Variants in ABCG2 observed in about 807,000 individuals in gnomAD.
ABCG2 encodes the protein broad substrate specificity ATP-binding cassette transporter ABCG2.
ABCG2 carries 80 observed loss-of-function variants against 73.5 expected under a neutral mutation model. The ratio of observed to expected loss-of-function variants is 1.09; its 90% CI spans 0.91 to 1.31. The LOEUF is 1.31. Ranked by LOEUF, ABCG2 falls within the 50% of genes most tolerant of loss-of-function variation. ABCG2 has a pLI of 0.00. For missense variants in ABCG2, 796 were observed against 786.2 expected (o/e 1.01, Z -0.15); for synonymous variants, 269 against 282.4 (o/e 0.95, Z 0.48).
chr4:88,164,579 T>C (rs1308979269), intron 1 of ABCG2, among the ~76,000 whole-genome samples: 40 of 152,168 alleles, frequency 2.6e-4, no homozygotes, highest in Non-Finnish European at 2.9e-5. Context: ...CCTTCTGCCA[T>C]GATTGTAAGT....
chr4:88,136,943 C>T (rs1383073880), intron 2 of ABCG2, among the ~76,000 whole-genome samples: 3 of 142,368 alleles, frequency 2.1e-5, no homozygotes, highest in South Asian at 4.5e-4. Context: ...ACCCAGGAGC[C>T]GGAAGTTGCA....
intron 1 of ABCG2, among the ~76,000 whole-genome samples, chr4:88,184,128 C>G (rs1728359867): frequency 6.6e-6 from 1 of 152,146 alleles, no homozygotes; most frequent in African/African-American, 2.4e-5. Flanking sequence ...AAATTGGAAG[C>G]CTTTTCTCTA....
intron 9 of ABCG2, among the ~76,000 whole-genome samples, chr4:88,112,902 G>A (rs1723236437): frequency 6.6e-6 from 1 of 152,126 alleles, no homozygotes; most frequent in Non-Finnish European, 1.5e-5. Context: ...TTGAACCCAC[G>A]AGTTCAAGAC....
chr4:88,229,412 G>A (rs1730363387), intron 1 of ABCG2, among the ~76,000 whole-genome samples: 1 of 152,190 alleles, frequency 6.6e-6, no homozygotes, highest in African/African-American at 2.4e-5. Flanking sequence ...GCCGAGATGG[G>A]AGGATCGCAT....
chr4:88,171,088 G>A (rs1239784674), intron 1 of ABCG2, among the ~76,000 whole-genome samples: 1 of 152,064 alleles, frequency 6.6e-6, no homozygotes, highest in East Asian at 1.9e-4. Context: ...TGAACACAAA[G>A]AAGGAAACAA....
At chr4:88,133,723 T>C (rs1232842128) in intron 2 of ABCG2, among the ~76,000 whole-genome samples, 1 of 152,072 alleles carries the variant, frequency 6.6e-6, no homozygotes, top group Admixed American at 6.5e-5. Flanking sequence ...TTTGGCCGGG[T>C]GTGGTGGCTC....
chr4:88,109,042 T>A (rs1440669395), intron 9 of ABCG2, among the ~76,000 whole-genome samples: 3 of 148,602 alleles, frequency 2.0e-5, no homozygotes, highest in Non-Finnish European at 3.0e-5. Flanking sequence ...ACTGTTGCCC[T>A]GGCTGGAGTG....
At chr4:88,111,203 A>T (rs535666320) in intron 9 of ABCG2, among the ~76,000 whole-genome samples, 10 of 151,510 alleles carry the variant, frequency 6.6e-5, no homozygotes, top group African/African-American at 2.4e-4. Flanking sequence ...TTTTCCAAGT[A>T]AGAAAAATCT....
At chr4:88,225,037 A>T (rs931765217) in intron 1 of ABCG2, among the ~76,000 whole-genome samples, 1 of 152,130 alleles carries the variant, frequency 6.6e-6, no homozygotes, top group African/African-American at 2.4e-5. Flanking sequence ...TATTCCATTG[A>T]TCTGGATGTC....
chr4:88,112,748 C>T (rs369589446), intron 9 of ABCG2, among the ~76,000 whole-genome samples: 1 of 152,060 alleles, frequency 6.6e-6, no homozygotes, highest in South Asian at 2.1e-4. Flanking sequence ...TTTTTCTACT[C>T]AGATTATTCA....
At chr4:88,139,741 G>A in intron 2 of ABCG2, 52 bp downstream of exon 2, 1 of 1,526,500 alleles carries the variant, frequency 6.6e-7, no homozygotes. Context: ...AACCTGTGAG[G>A]TTCACTGTAG....
chr4:88,131,720 T>G, intron 4 of ABCG2, 83 bp downstream of exon 4: 2 of 949,364 alleles, frequency 2.1e-6, no homozygotes, highest in South Asian at 3.0e-5. Context: ...CATAATCAAC[T>G]GGAAGCACAT....
At chr4:88,123,829 C>T (rs1356252161) in intron 5 of ABCG2, among the ~76,000 whole-genome samples, 1 of 152,100 alleles carries the variant, frequency 6.6e-6, no homozygotes, top group Non-Finnish European at 1.5e-5. Flanking sequence ...CACAAAGATA[C>T]TCCTCAAGAG....
At chr4:88,130,546 T>G (rs1724777978) in intron 5 of ABCG2, among the ~76,000 whole-genome samples, 1 of 152,034 alleles carries the variant, frequency 6.6e-6, no homozygotes, top group African/African-American at 2.4e-5. Context: ...CCATCCCCCC[T>G]ACCCTGGTCC....
intron 1 of ABCG2, among the ~76,000 whole-genome samples, chr4:88,194,870 T>C (rs1728878226): frequency 6.6e-6 from 1 of 152,066 alleles, no homozygotes; most frequent in South Asian, 2.1e-4. Context: ...CCCGATGGTG[T>C]AAGGCCTGGT....
intron 1 of ABCG2, among the ~76,000 whole-genome samples, chr4:88,182,340 T>C (rs1728287964): frequency 6.6e-6 from 1 of 152,182 alleles, no homozygotes; most frequent in African/African-American, 2.4e-5. Flanking sequence ...ATTGGACAGA[T>C]CTTCCAGACA....
At chr4:88,135,704 C>A (rs1725201843) in intron 2 of ABCG2, among the ~76,000 whole-genome samples, 1 of 152,196 alleles carries the variant, frequency 6.6e-6, no homozygotes, top group South Asian at 2.1e-4. Flanking sequence ...GCATCTTGCA[C>A]AATGTCCTGC....
chr4:88,168,552 A>G (rs1033026787), intron 1 of ABCG2, among the ~76,000 whole-genome samples: 3 of 151,122 alleles, frequency 2.0e-5, no homozygotes, highest in African/African-American at 7.3e-5. Context: ...TAAAAATTAG[A>G]CTGCAGTGAA....
intron 1 of ABCG2, among the ~76,000 whole-genome samples, chr4:88,186,742 AC>A (rs1478559050): frequency 6.7e-6 from 1 of 149,848 alleles, no homozygotes; most frequent in Non-Finnish European, 1.5e-5. Context: ...AAACGGTGAA[AC>A]CCCGTCTCTA....
Sources: allele counts gnomAD v4.1 joint callset (sites outside exome capture counted in the v4.1 genomes callset), GRCh38; gene constraint gnomAD v4.1.1; transcripts MANE v1.5; gene names NCBI Gene and HGNC (gene_info 2026-07-23, HGNC 2026-07-21).